SIM1: variants seen among roughly 807,000 people sequenced by gnomAD.
The protein encoded by SIM1 is SIM bHLH transcription factor 1.
SIM1 carries 18 observed loss-of-function variants against 78.2 expected under a neutral mutation model. The observed-to-expected ratio is 0.23, with a 90% CI of 0.16 to 0.34. SIM1 has a LOEUF of 0.34. Ranked by LOEUF, SIM1 falls within the 10% of genes least tolerant of loss-of-function variation. The pLI is 1.00. For synonymous variants in SIM1, 417 were observed against 385.2 expected (o/e 1.08, Z -0.97); for missense variants, 939 against 975.1 (o/e 0.96, Z 0.49).
At position 100,452,209 on chromosome 6, in the gene SIM1, CCTT is replaced by C. The variant is rs145995598; in HGVS notation, c.258+1550_258+1552del. Among the ~76,000 whole-genome samples the C allele has an allele frequency of 9.8e-3, 1,491 of 152,284 alleles. 24 individuals carry two copies. The highest frequency in any genetic ancestry group is 0.034 in the African/African-American group (1,411 of 41,550). ...CCTTCAAGTCTTAGTCCAAATGTCA[CCTT>C]CTCAGTGCGGCCCTCTCCAACCATC... On this transcript the variant is annotated intron_variant, in intron 3 of 11. Transcript: ENST00000369208.
In SIM1 at chr6:100,389,837, C is replaced by A; in HGVS notation, c.*524G>T. The A allele has an allele frequency of 2.5e-6, 1 of 398,112 alleles. No homozygotes were observed. Among genetic ancestry groups the A allele is most frequent in the South Asian group, 1.4e-4 (1 of 7,252 alleles). 24.7% of individuals were successfully genotyped at this position (398,112 alleles called of 1,614,324 possible). A position where few individuals can be genotyped will look rare whatever the true frequency, so the allele number is the denominator to read the frequency against. ...GGCTGATTTGAAACCACAAAGAAGTCAGTTTATAAGATGTATCTCTCTCTT... is the reference window on the plus strand; with the variant it reads ...GGCTGATTTGAAACCACAAAGAAGTAAGTTTATAAGATGTATCTCTCTCTT... On this transcript the variant is annotated 3_prime_UTR_variant, in exon 12 of 12. Coordinates refer to ENST00000369208, the MANE Select transcript of SIM1 (RefSeq NM_005068.3).
chr6:100,457,663 C>A (rs962854134), intron 2 of SIM1, among the ~76,000 whole-genome samples: 1 of 152,242 alleles, frequency 6.6e-6, no homozygotes. Flanking sequence ...TTGGTGCAAC[C>A]AGCCCGAATC....
chr6:100,390,810 C>A lies in SIM1; in HGVS notation c.1852G>T (p.Val618Phe). 3 of 1,614,180 alleles carry A rather than the reference C, an allele frequency of 1.9e-6. No individual in the cohort carries two copies. The South Asian group carries it at 3.3e-5, about 18-fold the overall frequency. ...NYQQPPPTGE[V>F]CHGSALANTS... is the part of the protein sequence containing the mutation. Reference sequence around the variant, plus strand: ...TTGGCAAGAGCAGAGCCATGGCAGACTTCACCTGTTGGTGGGGGCTGTTGG... The same window carrying A: ...TTGGCAAGAGCAGAGCCATGGCAGAATTCACCTGTTGGTGGGGGCTGTTGG... Residue 618 changes from valine (V) to phenylalanine (F), a missense_variant, in exon 12 of 12, where the codon GTC (valine) becomes TTC (phenylalanine). By Grantham distance (50) the Val-to-Phe change is conservative. Transcript: ENST00000369208.
intron 10 of SIM1, among the ~76,000 whole-genome samples, chr6:100,397,805 T>C (rs1285671068): frequency 6.6e-6 from 1 of 152,036 alleles, no homozygotes; most frequent in Non-Finnish European, 1.5e-5. Flanking sequence ...CTAGAATATA[T>C]ACAGAACTCC....
At chr6:100,454,730 G>A (rs1292563116) in intron 2 of SIM1, among the ~76,000 whole-genome samples, 2 of 151,960 alleles carry the variant, frequency 1.3e-5, no homozygotes, top group Admixed American at 1.3e-4. Flanking sequence ...ACTTTCTCTG[G>A]TGATGCCCAA....
intron 10 of SIM1, among the ~76,000 whole-genome samples, chr6:100,402,678 C>T (rs638262): frequency 0.99 from 148,702 of 150,628 alleles, 73,409 homozygotes; most frequent in East Asian, 1. Flanking sequence ...CCCGGGTTCA[C>T]GCCATTCTCC....
At chr6:100,437,099 G>A (rs1386240699) in intron 9 of SIM1, among the ~76,000 whole-genome samples, 2 of 152,028 alleles carry the variant, frequency 1.3e-5, no homozygotes, top group South Asian at 2.1e-4. Context: ...ATAGTCACTG[G>A]GCTAATGAGT....
chr6:100,401,856 T>C (rs191452043), intron 10 of SIM1, among the ~76,000 whole-genome samples: 55 of 152,354 alleles, frequency 3.6e-4, no homozygotes, highest in Middle Eastern at 6.8e-3. Flanking sequence ...AATTTAATCG[T>C]TTAAATCTTT....
chr6:100,421,936 T>A (rs943635426), intron 9 of SIM1, among the ~76,000 whole-genome samples: 4 of 152,152 alleles, frequency 2.6e-5, no homozygotes, highest in Non-Finnish European at 4.4e-5. Context: ...GTAATTGATT[T>A]ATTTTGATCT....
rs187123226 is a variant in SIM1 at position 100,444,034 on chromosome 6, G to A, written c.998+3234C>T. 2.9e-3 allele frequency among the ~76,000 whole-genome samples: 447 copies of A among 152,122 alleles called. 1 individual carries two copies. The highest frequency in any genetic ancestry group is 1.0e-2 in the African/African-American group (415 of 41,536). ...AATATTTCTTATTTTAAAAATACAT[G>A]TAGTCTGAAAACATAAATAGAACCA... On this transcript the variant is annotated intron_variant, in intron 9 of 11. Coordinates refer to ENST00000369208, the MANE Select transcript of SIM1 (RefSeq NM_005068.3).
At chr6:100,447,538 G>T in intron 8 of SIM1, 123 bp from the exon 9 acceptor site, 1 of 1,056,034 alleles carries the variant, frequency 9.5e-7, no homozygotes, top group Non-Finnish European at 1.4e-6. Context: ...CCAGGCAGGA[G>T]AGAGAGAGAG....
Position 100,390,898 on chromosome 6 carries a change from G to A in SIM1, c.1764C>T (p.Pro588=). ...EENRLQLRKA[P]SDQLASINGA... is the part of the protein sequence containing the mutation. ...CATTAATGGAAGCCAGTTGGTCTGA[G>A]GGGGCTTTCCTTAGCTGTAATCTGT... The change falls in exon 12 of 12, where the codon CCC becomes CCT. Residue 588 remains proline (P), a synonymous_variant. Transcript: ENST00000369208. 2 of 1,614,142 alleles carry A rather than the reference G, an allele frequency of 1.2e-6. No individual in the cohort carries two copies. Among genetic ancestry groups the A allele is most frequent in the Non-Finnish European group, 1.7e-6 (2 of 1,180,032 alleles).
At chr6:100,393,453 C>CT in intron 11 of SIM1, 34 bp downstream of exon 11, 1 of 1,489,992 alleles carries the variant, frequency 6.7e-7, no homozygotes. Context: ...GGGCCTAATG[C>CT]TTGGAGTTCG....
rs528530747 is a variant in SIM1, at chr6:100,433,740, CCA to C, written c.999-12784_999-12783del. ...AACAGATTAAGACCCACCCCCCCAC[CCA>C]CACACACACACACACACACACACAT... On this transcript the variant is annotated intron_variant, in intron 9 of 11. Coordinates refer to ENST00000369208, the MANE Select transcript of SIM1 (RefSeq NM_005068.3). Among the ~76,000 whole-genome samples the C allele has an allele frequency of 5.6e-3, 696 of 124,126 alleles. 6 individuals carry two copies. The highest frequency in any genetic ancestry group is 0.019 in the African/African-American group (612 of 32,790). 81.4% of individuals were successfully genotyped at this position (124,126 alleles called of 152,430 possible).
At chr6:100,424,879 G>A (rs1457615114) in intron 9 of SIM1, among the ~76,000 whole-genome samples, 2 of 152,094 alleles carry the variant, frequency 1.3e-5, no homozygotes, top group East Asian at 3.8e-4. Flanking sequence ...GCTTTCCCCA[G>A]AACAATAGTT....
intron 9 of SIM1, among the ~76,000 whole-genome samples, chr6:100,443,650 A>G (rs1772274494): frequency 6.7e-6 from 1 of 149,216 alleles, no homozygotes; most frequent in African/African-American, 2.5e-5. Context: ...CTAGCTCTCA[A>G]CTATATTTTT....
intron 11 of SIM1, among the ~76,000 whole-genome samples, chr6:100,392,331 G>C (rs912889348): frequency 6.6e-6 from 1 of 152,178 alleles, no homozygotes; most frequent in Non-Finnish European, 1.5e-5. Flanking sequence ...AGAGAGAAGA[G>C]AAACAAGTAG....
intron 3 of SIM1, 111 bp downstream of exon 3, chr6:100,453,651 G>A: frequency 1.3e-6 from 1 of 788,836 alleles, no homozygotes; most frequent in South Asian, 1.9e-5. Flanking sequence ...TTGTGGGGGG[G>A]GTTGTTTGTT....
At chr6:100,437,779 A>G (rs1772095227) in intron 9 of SIM1, among the ~76,000 whole-genome samples, 1 of 152,192 alleles carries the variant, frequency 6.6e-6, no homozygotes, top group Non-Finnish European at 1.5e-5. Context: ...AGCCTGACCA[A>G]ACTGCAGAAA....
Sources: gnomAD v4.1 joint callset for allele counts (sites outside exome capture counted in the v4.1 genomes callset) on GRCh38, gnomAD v4.1.1 for gene constraint, MANE v1.5 for transcripts, NCBI Gene and HGNC (gene_info 2026-07-23, HGNC 2026-07-21) for gene names.